Variants in TRPM4 observed in about 807,000 individuals in gnomAD.
TRPM4 encodes the protein transient receptor potential cation channel subfamily M member 4.
Under a neutral mutation model 135.6 loss-of-function variants are expected in TRPM4, and 124 were observed. The observed-to-expected ratio is 0.91, with a 90% CI of 0.79 to 1.06. TRPM4 has a LOEUF of 1.06. Ranked by LOEUF, TRPM4 falls within the 50% of genes least tolerant of loss-of-function variation. TRPM4 has a pLI of 0.00. For missense variants in TRPM4, 1,658 were observed against 1,671.4 expected (o/e 0.99, Z 0.14); for synonymous variants, 745 against 705.6 (o/e 1.06, Z -0.88).
At chr19:49,178,607 G>A (rs1365707077) in intron 9 of TRPM4, among the ~76,000 whole-genome samples, 8 of 152,012 alleles carry the variant, frequency 5.3e-5, no homozygotes, top group Admixed American at 6.6e-5. Flanking sequence ...TGAGGACGTA[G>A]GGAAGATGGG....
In TRPM4 at chr19:49,190,771, C is replaced by G. The variant is rs139307985; in HGVS notation, c.2208C>G (p.Val736=). The part of the protein sequence containing the change: ...MDSVINGEGP[V]GTADPAEKTP... ...GTGTCATTAATGGGGAAGGGCCTGT[C>G]GGGTGAGTGGAGCCTCCAGCACTGT... is the stretch of plus-strand genomic sequence containing the variant. The change falls in exon 16 of 25, where the codon GTC becomes GTG. Residue 736 remains valine, a splice_region_variant and synonymous_variant. Coordinates refer to ENST00000252826, the MANE Select transcript of TRPM4 (RefSeq NM_017636.4). 3 of 1,614,030 alleles carry G rather than the reference C, an allele frequency of 1.9e-6. No homozygotes were observed. Among genetic ancestry groups the G allele is most frequent in the South Asian group, 1.1e-5 (1 of 91,074 alleles).
At chr19:49,174,541 G>A (rs989756031) in intron 9 of TRPM4, among the ~76,000 whole-genome samples, 8 of 151,890 alleles carry the variant, frequency 5.3e-5, no homozygotes, top group Non-Finnish European at 1.2e-4. Flanking sequence ...AGGGAAGATC[G>A]CTTGAGCCCA....
chr19:49,196,083 TC>T (rs1473021947), intron 16 of TRPM4, among the ~76,000 whole-genome samples: 1 of 151,928 alleles, frequency 6.6e-6, no homozygotes, highest in African/African-American at 2.4e-5. Context: ...GGTCTCGAAC[TC>T]CCTACCTCAG....
chr19:49,185,766 G>T (rs1344216070), intron 12 of TRPM4, among the ~76,000 whole-genome samples: 1 of 151,422 alleles, frequency 6.6e-6, no homozygotes, highest in African/African-American at 2.4e-5. Context: ...TTTGGGGGGA[G>T]GGGGGATGGA....
intron 3 of TRPM4, 70 bp downstream of exon 3, chr19:49,166,285 C>CG: frequency 6.8e-7 from 1 of 1,479,904 alleles, no homozygotes; most frequent in Non-Finnish European, 9.1e-7. Context: ...AGAGTGGAGC[C>CG]GGGACGCCCG....
intron 2 of TRPM4, among the ~76,000 whole-genome samples, chr19:49,161,934 C>T (rs1432834937): frequency 6.6e-6 from 1 of 152,054 alleles, no homozygotes; most frequent in Admixed American, 6.6e-5. Context: ...CTGGCCCTGG[C>T]TACTTCTTTC....
At position 49,188,571 on chromosome 19, in the gene TRPM4, C is replaced by T. The variant is rs1265023570; in HGVS notation, c.1744-70C>T. On this transcript the variant is annotated intron_variant, in intron 12 of 24. Coordinates refer to ENST00000252826, the MANE Select transcript of TRPM4 (RefSeq NM_017636.4). The stretch of plus-strand genomic sequence containing the variant: ...TTCTGACCTCTGACTCTGTTCCTTC[C>T]CTTGACTTCAGGCTTCCTCCCCCTC... 5 of 1,610,740 alleles carry T rather than the reference C, an allele frequency of 3.1e-6. No individual in the cohort carries two copies. The African/African-American group carries it at 4.0e-5, about 13-fold the overall frequency.
At chr19:49,186,651 C>T (rs565929792) in intron 12 of TRPM4, among the ~76,000 whole-genome samples, 3 of 152,182 alleles carry the variant, frequency 2.0e-5, no homozygotes, top group South Asian at 4.2e-4. Flanking sequence ...GCAGGTGGAT[C>T]GCCTGAGGTC....
intron 10 of TRPM4, 84 bp from the exon 11 acceptor site, chr19:49,182,494 A>G (rs1473051883): frequency 9.5e-6 from 9 of 943,076 alleles, no homozygotes; most frequent in African/African-American, 1.7e-5. Flanking sequence ...CCATCCATCC[A>G]TCCATCCGTC....
chr19:49,172,091 TG>T lies in TRPM4; in HGVS notation c.1134del (p.Lys379ArgfsTer4), dbSNP rs750969680. ...DGSEEFETIV[L>X]KALVKACGSS... ...TCTGAGGAATTCGAGACCATAGTTT[TG>T]AAGGCCCTTGTGAAGGGTAAAAGTT... On this transcript the variant is annotated frameshift_variant, in exon 9 of 25. Coordinates refer to ENST00000252826, the MANE Select transcript of TRPM4 (RefSeq NM_017636.4). LOFTEE classifies it high-confidence loss of function. 1 of 1,613,796 alleles carries T rather than the reference TG, an allele frequency of 6.2e-7. No individual in the cohort carries two copies. Among genetic ancestry groups the T allele is most frequent in the Admixed American group, 1.7e-5 (1 of 60,020 alleles).
At chr19:49,158,066 G>T in intron 1 of TRPM4, 126 bp from the exon 2 acceptor site, 2 of 1,274,466 alleles carry the variant, frequency 1.6e-6, no homozygotes, top group South Asian at 2.5e-5. Flanking sequence ...TGGAGCGGGA[G>T]GGCGCTGGGG....
chr19:49,178,480 G>T (rs76188690), intron 9 of TRPM4, among the ~76,000 whole-genome samples: 127 of 152,208 alleles, frequency 8.3e-4, no homozygotes, highest in African/African-American at 2.8e-3. Context: ...GAGGCTGGAC[G>T]TGGGACATGA....
chr19:49,210,477 C>T lies in TRPM4; in HGVS notation c.3328+72C>T, dbSNP rs1041364336. The T allele has an allele frequency of 1.3e-6, 2 of 1,558,884 alleles. No individual in the cohort carries two copies. The highest frequency in any genetic ancestry group is 2.3e-5 in the East Asian group (1 of 44,294). ...AGCCTGGAAGGCGAGGGGAAGGGGG[C>T]ATGCCCCAAATGACTAACGGGCGTG... On this transcript the variant is annotated intron_variant, in intron 21 of 24. Coordinates refer to ENST00000252826, the MANE Select transcript of TRPM4 (RefSeq NM_017636.4). This position sits in a 1 kb window ranked among gnomAD's most constrained non-coding sequence, Gnocchi z 4.1.
chr19:49,193,863 C>CA (rs1968507168), intron 16 of TRPM4, among the ~76,000 whole-genome samples: 1 of 151,772 alleles, frequency 6.6e-6, no homozygotes, highest in South Asian at 2.1e-4. Flanking sequence ...CCTCCTCCTT[C>CA]TCCTCCTTGT....
At position 49,160,267 on chromosome 19, in the gene TRPM4, G is replaced by A. The variant is rs62127949; in HGVS notation, c.92+2008G>A. Among the ~76,000 whole-genome samples the A allele has an allele frequency of 1.9e-3, 282 of 152,188 alleles. 1 individual carries two copies. Among genetic ancestry groups the A allele is most frequent in the Non-Finnish European group, 3.3e-3 (224 of 68,034 alleles). ...ACAATCTGGGAGGCCGAGGCGGGTG[G>A]ATCACCTAAGTCAGGAGTTCGAGAC... On this transcript the variant is annotated intron_variant, in intron 2 of 24. Coordinates refer to ENST00000252826, the MANE Select transcript of TRPM4 (RefSeq NM_017636.4).
At chr19:49,168,778 C>T (rs1227179556) in intron 6 of TRPM4, 42 bp downstream of exon 6, 2 of 1,553,716 alleles carry the variant, frequency 1.3e-6, no homozygotes, top group South Asian at 2.4e-5. Flanking sequence ...CGACCCACAA[C>T]CTGCAACCCC....
intron 18 of TRPM4, 77 bp from the exon 19 acceptor site, chr19:49,200,533 TG>T (rs1968881292): frequency 6.3e-7 from 1 of 1,588,442 alleles, no homozygotes; most frequent in Admixed American, 1.7e-5. Flanking sequence ...TGGGGAGCAA[TG>T]GGGCGTGTTT....
intron 9 of TRPM4, among the ~76,000 whole-genome samples, chr19:49,179,248 T>G (rs1174749290): frequency 6.7e-6 from 1 of 149,182 alleles, no homozygotes; most frequent in Non-Finnish European, 1.5e-5. Context: ...AGAGACGAGG[T>G]TTCTCCATGT....
chr19:49,203,429 T>G (rs1969027762), intron 20 of TRPM4, among the ~76,000 whole-genome samples: 1 of 152,220 alleles, frequency 6.6e-6, no homozygotes, highest in Admixed American at 6.5e-5. Flanking sequence ...TCCGCCCGCC[T>G]TGGCCTCCCA....
Sources: gnomAD v4.1 joint callset for allele counts (sites outside exome capture counted in the v4.1 genomes callset) on GRCh38, gnomAD v4.1.1 for gene constraint, Gnocchi (gnomAD v3.1) non-coding constraint, MANE v1.5 for transcripts, NCBI Gene and HGNC (gene_info 2026-07-23, HGNC 2026-07-21) for gene names.